TESK2: variants seen among roughly 807,000 people sequenced by gnomAD.
TESK2 encodes the protein dual specificity testis-specific protein kinase 2.
A neutral mutation model predicts 57.1 loss-of-function variants in TESK2; 39 were observed. The ratio of observed to expected loss-of-function variants is 0.68; its 90% CI spans 0.53 to 0.89. TESK2 has a LOEUF of 0.89. Ranked by LOEUF, TESK2 falls within the 40% of genes least tolerant of loss-of-function variation. The pLI is 0.00. For missense variants in TESK2, 646 were observed against 732.1 expected (o/e 0.88, Z 1.36); for synonymous variants, 249 against 267.9 (o/e 0.93, Z 0.69).
intron 2 of TESK2, among the ~76,000 whole-genome samples, chr1:45,432,564 G>A (rs1159249997): frequency 6.7e-6 from 1 of 150,236 alleles, no homozygotes; most frequent in Non-Finnish European, 1.5e-5. Flanking sequence ...GGTGGCAGGC[G>A]CCTGTAGTCC....
intron 9 of TESK2, 49 bp from the exon 10 acceptor site, chr1:45,346,043 C>G (rs1319710179): frequency 2.9e-6 from 4 of 1,377,174 alleles, no homozygotes; most frequent in Non-Finnish European, 4.1e-6. Context: ...TCTCCCACCC[C>G]AAAGATGGCA....
At chr1:45,357,945 A>C (rs1203613896) in intron 4 of TESK2, among the ~76,000 whole-genome samples, 2 of 147,426 alleles carry the variant, frequency 1.4e-5, no homozygotes, top group African/African-American at 2.5e-5. Context: ...TGGAGGTTGC[A>C]GTAAGCCGAG....
At chr1:45,440,474 G>A (rs1385717716) in intron 2 of TESK2, among the ~76,000 whole-genome samples, 1 of 152,072 alleles carries the variant, frequency 6.6e-6, no homozygotes, top group Non-Finnish European at 1.5e-5. Context: ...AGCACTTTGG[G>A]AGGTCAAGGC....
At chr1:45,389,012 G>A (rs1169307968) in intron 3 of TESK2, among the ~76,000 whole-genome samples, 4 of 152,170 alleles carry the variant, frequency 2.6e-5, no homozygotes, top group African/African-American at 4.8e-5. Flanking sequence ...GAGCCACCGC[G>A]CCCGGCCGAG....
intron 2 of TESK2, among the ~76,000 whole-genome samples, chr1:45,449,012 C>G (rs1030068656): frequency 2.0e-5 from 3 of 151,976 alleles, no homozygotes; most frequent in Non-Finnish European, 4.4e-5. Flanking sequence ...ATCACAAGGT[C>G]AGGAGTTCAA....
chr1:45,466,858 C>T (rs1001793921), intron 1 of TESK2, among the ~76,000 whole-genome samples: 1 of 151,736 alleles, frequency 6.6e-6, no homozygotes, highest in Non-Finnish European at 1.5e-5. Context: ...ACAGTGCCTA[C>T]ATTTTATATT....
intron 1 of TESK2, among the ~76,000 whole-genome samples, chr1:45,467,640 T>A (rs901871300): frequency 4.2e-4 from 41 of 96,732 alleles, no homozygotes; most frequent in African/African-American, 1.3e-3. Flanking sequence ...TTCACAGTTT[T>A]TTTTTTTTTT....
chr1:45,376,958 A>C lies in TESK2; in HGVS notation c.393+8954T>G, dbSNP rs1028618331. 2.6e-5 allele frequency among the ~76,000 whole-genome samples: 4 copies of C among 152,248 alleles called. No individual in the cohort carries two copies. The East Asian group carries it at 5.8e-4, about 22-fold the overall frequency. ...AAACAGGTCAGGTGTGATAGCTCAC[A>C]CCTGTAATCCCAGCACTCTGGGAGG... On this transcript the variant is annotated intron_variant, in intron 4 of 10. Coordinates refer to ENST00000372086, the MANE Select transcript of TESK2 (RefSeq NM_007170.3).
intron 4 of TESK2, among the ~76,000 whole-genome samples, chr1:45,360,481 G>C (rs1647639057): frequency 6.6e-6 from 1 of 152,118 alleles, no homozygotes; most frequent in Non-Finnish European, 1.5e-5. Flanking sequence ...TTGGTTCTGG[G>C]AAACACTTGT....
chr1:45,421,665 T>A, intron 3 of TESK2, 60 bp downstream of exon 3: 1 of 1,606,764 alleles, frequency 6.2e-7, no homozygotes, highest in African/African-American at 1.3e-5. Context: ...TTAGTGCTAT[T>A]CTAGCAAGCC....
chr1:45,366,702 A>AT (rs1647934307), intron 4 of TESK2, among the ~76,000 whole-genome samples: 1 of 152,226 alleles, frequency 6.6e-6, no homozygotes, highest in Non-Finnish European at 1.5e-5. Context: ...GCATTTAAAT[A>AT]AATGGAGGTG....
chr1:45,465,414 A>AAGAGAG (rs35969225), intron 1 of TESK2, among the ~76,000 whole-genome samples: 5 of 140,184 alleles, frequency 3.6e-5, no homozygotes, highest in South Asian at 2.3e-4. Flanking sequence ...CCAAAAAAGA[A>AAGAGAG]AGAGAGAGAG....
At position 45,347,020 on chromosome 1, in the gene TESK2, C is replaced by T. The variant is rs374778347; in HGVS notation, c.751G>A (p.Ala251Thr). ...TAGTCCGGATCGGCCTGGATGCGGG[C>T]GATGATCTCGCAGAGGATGATACCA... ...SYGIILCEII[A>T]RIQADPDYLP... Residue 251 changes from alanine to threonine, a missense_variant, in exon 8 of 11, where the codon GCC becomes ACC. Coordinates refer to ENST00000372086, the MANE Select transcript of TESK2 (RefSeq NM_007170.3). 1.5e-5 allele frequency: 24 copies of T among 1,614,160 alleles called. No individual in the cohort carries two copies. In the Middle Eastern group the frequency reaches 4.9e-4, roughly 33 times the overall value.
intron 5 of TESK2, 30 bp downstream of exon 5, chr1:45,355,273 C>CA: frequency 6.2e-7 from 1 of 1,611,274 alleles, no homozygotes; most frequent in Non-Finnish European, 8.5e-7. Flanking sequence ...TGGTATCTCT[C>CA]AATGAGTTGT....
intron 1 of TESK2, among the ~76,000 whole-genome samples, chr1:45,481,481 G>T (rs1003110313): frequency 6.6e-6 from 1 of 152,088 alleles, no homozygotes; most frequent in Non-Finnish European, 1.5e-5. Context: ...AACAACACGG[G>T]TTTGAACTGT....
rs59988269 is a variant in TESK2, at chr1:45,384,593, A to ATTTTTTTTT, written c.393+1310_393+1318dup. 3.5e-3 allele frequency among the ~76,000 whole-genome samples: 245 copies of ATTTTTTTTT among 70,844 alleles called. 12 individuals carry two copies. Among genetic ancestry groups the ATTTTTTTTT allele is most frequent in the Non-Finnish European group, 4.5e-3 (165 of 37,036 alleles). The allele number at this position is 70,844 out of a possible 152,430, so 46.5% of individuals were successfully genotyped here. A position where few individuals can be genotyped will look rare whatever the true frequency, so the allele number is the denominator to read the frequency against. ...TGCCATCACATCCAGCTAATTATTAATTTTTTTTTTTTTTTTTTTTTTTTT... is the reference window on the plus strand; with the variant it reads ...TGCCATCACATCCAGCTAATTATTAATTTTTTTTTTTTTTTTTTTTTTTTTTTTTTTTTT... On this transcript the variant is annotated intron_variant, in intron 4 of 10. Coordinates refer to ENST00000372086, the MANE Select transcript of TESK2 (RefSeq NM_007170.3).
chr1:45,355,468 A>G lies in TESK2; in HGVS notation c.394-19T>C, dbSNP rs1295926621. 1 of 1,590,756 alleles carries G rather than the reference A, an allele frequency of 6.3e-7. No homozygotes were observed. The highest frequency in any genetic ancestry group is 8.5e-7 in the Non-Finnish European group (1 of 1,170,486). On this transcript the variant is annotated intron_variant, in intron 4 of 10. Coordinates refer to ENST00000372086, the MANE Select transcript of TESK2 (RefSeq NM_007170.3). ...TGATATACTGCAAAACAGAAGGAAA[A>G]CCCAGCTACCATTTATCAGAAATAT...
chr1:45,457,089 C>T lies in TESK2; in HGVS notation c.222+475G>A, dbSNP rs1163978217. Among the ~76,000 whole-genome samples, 7 of 152,046 alleles carry T rather than the reference C, an allele frequency of 4.6e-5. No homozygotes were observed. In the South Asian group the frequency reaches 8.3e-4, roughly 18 times the overall value. On this transcript the variant is annotated intron_variant, in intron 2 of 10. Transcript: ENST00000372086. ...CCTCAAGCGAGCCTCCTGAGTAGCT[C>T]GGGCTACAGGTGCATGCCATTGTAC...
At chr1:45,486,915 C>T (rs1309864001) in intron 1 of TESK2, among the ~76,000 whole-genome samples, 5 of 151,530 alleles carry the variant, frequency 3.3e-5, no homozygotes, top group East Asian at 3.9e-4. Context: ...CTCCACCACC[C>T]GGGTTCAAGC....
Sources: allele counts gnomAD v4.1 joint callset (sites outside exome capture counted in the v4.1 genomes callset), GRCh38; gene constraint gnomAD v4.1.1; transcripts MANE v1.5; gene names NCBI Gene and HGNC (gene_info 2026-07-23, HGNC 2026-07-21).